AXL: variants seen among roughly 807,000 people sequenced by gnomAD.
The protein encoded by AXL is tyrosine-protein kinase receptor UFO.
A neutral mutation model predicts 104.5 loss-of-function variants in AXL; 52 were observed. That is an observed-to-expected ratio of 0.50 (90% CI 0.40 to 0.63). The LOEUF is 0.63. AXL is among the 20% of genes least tolerant of loss of function. The pLI is 0.00. For synonymous variants in AXL, 455 were observed against 473.7 expected, an observed-to-expected ratio of 0.96 and a Z score of 0.51; for missense variants, 1,024 against 1,188.5, an observed-to-expected ratio of 0.86 and a Z score of 2.04.
chr19:41,221,216 G>A lies in AXL; in HGVS notation c.379G>A (p.Val127Met), dbSNP rs1236482248. The stretch of plus-strand genomic sequence containing the variant: ...GGTGTTTCTGGGACATCAGACCTTC[G>A]TGTCCCAGCCTGGCTATGTTGGGCT... ...CLVFLGHQTF[V>M]SQPGYVGLEG... The change falls in exon 3 of 20, where the codon GTG (valine) becomes ATG (methionine). Residue 127 changes from valine (V) to methionine (M), a missense_variant. Val to Met is a conservative substitution (Grantham distance 21, BLOSUM62 1). Transcript: ENST00000301178. 1.9e-5 allele frequency: 31 copies of A among 1,613,860 alleles called. No individual in the cohort carries two copies. The highest frequency in any genetic ancestry group is 4.0e-5 in the African/African-American group (3 of 74,876).
intron 4 of AXL, 129 bp downstream of exon 4, chr19:41,222,185 G>A (rs938019971): frequency 1.2e-5 from 13 of 1,061,102 alleles, no homozygotes; most frequent in East Asian, 5.8e-5. Context: ...TGTCTCTCTC[G>A]TTTCTCCCTC....
intron 3 of AXL, 172 bp from the exon 4 acceptor site, chr19:41,221,708 T>C: frequency 1.6e-6 from 1 of 630,926 alleles, no homozygotes; most frequent in Non-Finnish European, 2.7e-6. Context: ...AATCAGATAT[T>C]GGGGTCACGT....
At chr19:41,257,407 T>G in intron 18 of AXL, 86 bp from the exon 19 acceptor site, 6 of 1,538,240 alleles carry the variant, frequency 3.9e-6, no homozygotes, top group Non-Finnish European at 5.4e-6. Context: ...CATGTGTACA[T>G]AAGTGTGGGT....
In AXL at chr19:41,257,648, C is replaced by T. The variant is rs915082662; in HGVS notation, c.2333+19C>T. On this transcript the variant is annotated intron_variant, in intron 19 of 19. Transcript: ENST00000301178. ...ATGGACTGTGAGGACCCTTAGGTCT[C>T]CCCCAACCCAGAATTCATTCCAAAC... 14 of 1,613,714 alleles carry T rather than the reference C, an allele frequency of 8.7e-6. No individual in the cohort carries two copies. Among genetic ancestry groups the T allele is most frequent in the South Asian group, 1.1e-5 (1 of 91,072 alleles).
At chr19:41,223,055 G>A (rs1377799803) in intron 4 of AXL, among the ~76,000 whole-genome samples, 8 of 152,166 alleles carry the variant, frequency 5.3e-5, no homozygotes, top group African/African-American at 1.9e-4. Context: ...AGCACTTTGG[G>A]AGGCTGAGGC....
chr19:41,239,062 G>A (rs2034133760), intron 8 of AXL, 102 bp from the exon 9 acceptor site: 2 of 1,357,974 alleles, frequency 1.5e-6, no homozygotes, highest in East Asian at 2.4e-5. Flanking sequence ...TTGGAGGATG[G>A]GGAGAGCGTT....
chr19:41,245,615 G>A (rs137991784), intron 12 of AXL, among the ~76,000 whole-genome samples: 12,867 of 151,790 alleles, frequency 0.085, 686 homozygotes, highest in Non-Finnish European at 0.12. Context: ...TTGGGAGGCT[G>A]AGGCAGGAGA....
intron 14 of AXL, among the ~76,000 whole-genome samples, chr19:41,249,518 G>T (rs1231688660): frequency 4.6e-5 from 7 of 152,090 alleles, no homozygotes; most frequent in Admixed American, 4.6e-4. Context: ...CACTTTGGGA[G>T]GCCAAGGCGG....
intron 15 of AXL, among the ~76,000 whole-genome samples, 184 bp from the exon 16 acceptor site, chr19:41,252,662 G>C (rs1366654268): frequency 6.6e-6 from 1 of 152,156 alleles, no homozygotes; most frequent in Non-Finnish European, 1.5e-5. Flanking sequence ...CTCCGGAAAC[G>C]TCCCTGGGAA....
chr19:41,258,789 T>C (rs981753019), intron 19 of AXL, among the ~76,000 whole-genome samples: 1 of 152,234 alleles, frequency 6.6e-6, no homozygotes, highest in East Asian at 1.9e-4. Flanking sequence ...TCAAGTAGTT[T>C]AAAACAACAA....
chr19:41,228,819 C>G (rs947465692), intron 4 of AXL, among the ~76,000 whole-genome samples: 2 of 152,068 alleles, frequency 1.3e-5, no homozygotes, highest in African/African-American at 4.8e-5. Flanking sequence ...ACTTGGGTAA[C>G]AGGTAAAGTA....
At chr19:41,234,027 G>T (rs1022916754) in intron 6 of AXL, among the ~76,000 whole-genome samples, 8 of 151,970 alleles carry the variant, frequency 5.3e-5, no homozygotes, top group African/African-American at 1.9e-4. Context: ...CTCTGTCCTG[G>T]TAGAGGTTCC....
chr19:41,244,517 T>C (rs1377549629), intron 12 of AXL, among the ~76,000 whole-genome samples: 2 of 151,978 alleles, frequency 1.3e-5, no homozygotes, highest in Non-Finnish European at 2.9e-5. Context: ...TCTCGCTCTG[T>C]TGCCCAGGCT....
chr19:41,232,011 T>C (rs1029877354), intron 6 of AXL, among the ~76,000 whole-genome samples: 13 of 152,164 alleles, frequency 8.5e-5, no homozygotes, highest in Admixed American at 7.9e-4. Flanking sequence ...ATTAGTGATG[T>C]TAACTCTAGC....
chr19:41,242,803 C>T (rs981391891), intron 10 of AXL, 80 bp from the exon 11 acceptor site: 7 of 1,575,136 alleles, frequency 4.4e-6, no homozygotes, highest in Non-Finnish European at 6.1e-6. Context: ...CTTCTGCCTC[C>T]CTCCCACATC....
rs184958911 is a variant in AXL, at chr19:41,260,272, T to C, written c.*368T>C. ...TGAAATTCCAAAGTCTCTAATTCTA[T>C]TAAAGTGCTAAGGTTCTAAGGCCTA... On this transcript the variant is annotated 3_prime_UTR_variant, in exon 20 of 20. Coordinates refer to ENST00000301178, the MANE Select transcript of AXL (RefSeq NM_021913.5). 184 of 217,054 alleles carry C rather than the reference T, an allele frequency of 8.5e-4. No homozygotes were observed. The highest frequency in any genetic ancestry group is 4.0e-3 in the African/African-American group (171 of 43,010). 13.4% of individuals were successfully genotyped at this position (217,054 alleles called of 1,614,324 possible). A position where few individuals can be genotyped will look rare whatever the true frequency, so the allele number is the denominator to read the frequency against.
At chr19:41,221,615 G>GA in intron 3 of AXL, 2 of 526,614 alleles carry the variant, frequency 3.8e-6, no homozygotes, top group Non-Finnish European at 6.7e-6. Context: ...CTCATCCATA[G>GA]AATGAGATGA....
In AXL at chr19:41,256,442, A is replaced by C. The variant is rs117941544; in HGVS notation, c.2037-10A>C. 0.014 allele frequency: 22,907 copies of C among 1,608,768 alleles called. 210 individuals are homozygous for C. Among genetic ancestry groups the C allele is most frequent in the Non-Finnish European group, 0.017 (19,898 of 1,175,490 alleles). ...TGCCCTGACCCTGTTCCTTTCCCCAATCCAAACAGGCTGAATGAGAACATG... is the reference window on the plus strand; with the variant it reads ...TGCCCTGACCCTGTTCCTTTCCCCACTCCAAACAGGCTGAATGAGAACATG... On this transcript the variant is annotated splice_polypyrimidine_tract_variant and intron_variant, in intron 17 of 19. Transcript: ENST00000301178.
intron 4 of AXL, among the ~76,000 whole-genome samples, chr19:41,227,375 T>C (rs887778990): frequency 1.3e-5 from 2 of 152,126 alleles, no homozygotes; most frequent in Non-Finnish European, 2.9e-5. Flanking sequence ...CATATATATA[T>C]GATTATCTTT....
Sources: allele counts gnomAD v4.1 joint callset (sites outside exome capture counted in the v4.1 genomes callset), GRCh38; gene constraint gnomAD v4.1.1; transcripts MANE v1.5; gene names NCBI Gene and HGNC (gene_info 2026-07-23, HGNC 2026-07-21).